The following MEN1 variants were observed in gnomAD, a reference collection of about 807,000 sequenced individuals.
The protein encoded by MEN1 is menin 1, also known as menin.
A neutral mutation model predicts 58.0 loss-of-function variants in MEN1; 6 were observed. The ratio of observed to expected loss-of-function variants is 0.10; its 90% CI spans 0.06 to 0.20. The LOEUF (loss-of-function observed/expected upper bound fraction) is 0.20, where lower values mean the gene tolerates loss of function less well. MEN1 is among the 10% of genes least tolerant of loss of function. The pLI, the probability that MEN1 is intolerant of heterozygous loss-of-function variation, is 1.00. For synonymous variants in MEN1, 346 were observed against 350.7 expected, an observed-to-expected ratio of 0.99 and a Z score of 0.15; for missense variants, 492 against 818.5, an observed-to-expected ratio of 0.60 and a Z score of 4.87.
In MEN1 at chr11:64,805,164, G is replaced by C; in HGVS notation, c.1220C>G (p.Pro407Arg). The C allele has an allele frequency of 1.2e-6, 2 of 1,614,002 alleles. No individual in the cohort carries two copies. Among genetic ancestry groups the C allele is most frequent in the Non-Finnish European group, 1.7e-6 (2 of 1,180,022 alleles). ...TCGCAGCAGGTGGGCGAAGCACTCAGGGTCCTGGAGGGCGGAACCTTGGCT... is the reference window on the plus strand; with the variant it reads ...TCGCAGCAGGTGGGCGAAGCACTCACGGTCCTGGAGGGCGGAACCTTGGCT... ...TQSQGSALQD[P>R]ECFAHLLRFY... The change falls in exon 9 of 10, where the codon CCT becomes CGT. Residue 407 changes from proline to arginine, a missense_variant. Transcript: ENST00000450708.
chr11:64,808,213 A>G, intron 2 of MEN1, 114 bp from the exon 3 acceptor site: 2 of 990,082 alleles, frequency 2.0e-6, no homozygotes, highest in Non-Finnish European at 3.0e-6. Flanking sequence ...CTGTGACCCA[A>G]CCTCAGATTC....
chr11:64,804,227 A>C lies in MEN1; in HGVS notation c.*107T>G. On this transcript the variant is annotated 3_prime_UTR_variant, in exon 10 of 10. Transcript: ENST00000450708. This position sits in a 1 kb window ranked among gnomAD's most constrained non-coding sequence, Gnocchi z 4.2. ...GGGACCGGGAACCTAGGGTTTGGGT[A>C]GAGGTGAGGCCTGTCCCCTTTGGGC... The C allele has an allele frequency of 6.9e-7, 1 of 1,445,326 alleles. No homozygotes were observed. Among genetic ancestry groups the C allele is most frequent in the Non-Finnish European group, 9.7e-7 (1 of 1,033,028 alleles). The allele number at this position is 1,445,326 out of a possible 1,614,324, so 89.5% of individuals were successfully genotyped here. A position where few individuals can be genotyped will look rare whatever the true frequency, so the allele number is the denominator to read the frequency against.
At position 64,806,993 on chromosome 11, in the gene MEN1, C is replaced by G; in HGVS notation, c.912+18G>C. On this transcript the variant is annotated intron_variant, in intron 6 of 9. Transcript: ENST00000450708. ...ACTGTTAGGGTCTCCCTTCTGCACC[C>G]TCCTTAGATGCCCCCACCTTGTGGT... The G allele has an allele frequency of 6.2e-7, 1 of 1,611,762 alleles. No homozygotes were observed. The highest frequency in any genetic ancestry group is 1.3e-5 in the African/African-American group (1 of 74,996).
chr11:64,809,854 T>C lies in MEN1; in HGVS notation c.256A>G (p.Ile86Val), dbSNP rs765390960. ...TYFPVADLSI[I>V]AALYARFTAQ... Reference sequence around the variant, plus strand: ...GTGAAGCGGGCATAGAGGGCGGCGATGATAGACAGGTCGGCCACGGGAAAG... The same window carrying C: ...GTGAAGCGGGCATAGAGGGCGGCGACGATAGACAGGTCGGCCACGGGAAAG... The change falls in exon 2 of 10, where the codon ATC (isoleucine) becomes GTC (valine). Residue 86 changes from isoleucine (I) to valine (V), a missense_variant. By Grantham distance (29) the Ile-to-Val change is conservative. Transcript: ENST00000450708. 1.2e-6 allele frequency: 2 copies of C among 1,607,220 alleles called. No homozygotes were observed. Among genetic ancestry groups the C allele is most frequent in the East Asian group, 2.2e-5 (1 of 44,672 alleles).
intron 6 of MEN1, 32 bp from the exon 7 acceptor site, chr11:64,806,400 G>C: frequency 6.2e-7 from 1 of 1,613,926 alleles, no homozygotes. Context: ...GATCCTCAGG[G>C]AGGCAGCCCC....
intron 1 of MEN1, 87 bp from the exon 2 acceptor site, chr11:64,810,219 A>G (rs1942040400): frequency 3.8e-6 from 3 of 794,742 alleles, no homozygotes; most frequent in East Asian, 5.4e-5. Context: ...ACCCGCCCCG[A>G]CACACGCACA....
chr11:64,807,789 G>T lies in MEN1; in HGVS notation c.654+102C>A. 1 of 1,605,044 alleles carries T rather than the reference G, an allele frequency of 6.2e-7. No homozygotes were observed. The highest frequency in any genetic ancestry group is 1.1e-5 in the South Asian group (1 of 90,660). On this transcript the variant is annotated intron_variant, in intron 3 of 9. Transcript: ENST00000450708. The surrounding 1 kb of genome is among the most constrained non-coding windows in gnomAD (Gnocchi z 4.9). ...TTCTGTCTTCCCTTCCTATGTGGGTGGTGATGGGAAGAAAGGGGTGTGGCC... is the reference window on the plus strand; with the variant it reads ...TTCTGTCTTCCCTTCCTATGTGGGTTGTGATGGGAAGAAAGGGGTGTGGCC...
intron 7 of MEN1, 103 bp downstream of exon 7, chr11:64,806,129 G>A: frequency 1.3e-6 from 2 of 1,490,540 alleles, no homozygotes; most frequent in South Asian, 2.3e-5. Context: ...GATGGAAAGG[G>A]GATGGGGCGT....
chr11:64,808,927 C>T (rs1400722741), intron 2 of MEN1, among the ~76,000 whole-genome samples: 2 of 149,194 alleles, frequency 1.3e-5, no homozygotes, highest in Admixed American at 1.4e-4. Flanking sequence ...TGCACTCCAG[C>T]CTGGGCGACA....
rs575515262 is a variant in MEN1 at position 64,806,913 on chromosome 11, C to G, written c.912+98G>C. 2.0e-4 allele frequency: 218 copies of G among 1,077,570 alleles called. 1 individual carries two copies. The South Asian group carries it at 2.7e-3, about 13-fold the overall frequency. 66.8% of individuals were successfully genotyped at this position (1,077,570 alleles called of 1,614,324 possible). The stretch of plus-strand genomic sequence containing the variant: ...AAGTGAGACTGGATGGGCGATACCC[C>G]CCAACACACAAAGTTCTCTTCTCAT... On this transcript the variant is annotated intron_variant, in intron 6 of 9. Coordinates refer to ENST00000450708, the MANE Select transcript of MEN1 (RefSeq NM_001370259.2).
chr11:64,807,310 A>G lies in MEN1; in HGVS notation c.784-91T>C. On this transcript the variant is annotated intron_variant, in intron 4 of 9. Coordinates refer to ENST00000450708, the MANE Select transcript of MEN1 (RefSeq NM_001370259.2). The surrounding 1 kb of genome is among the most constrained non-coding windows in gnomAD (Gnocchi z 4.9). ...GGCAGAGGTGGGGGTCAGAACCAAC[A>G]GGGACCACCCACCATGTGGAAGGGC... is the stretch of plus-strand genomic sequence containing the variant. 6.9e-7 allele frequency: 1 copy of G among 1,447,376 alleles called. No individual in the cohort carries two copies. The highest frequency in any genetic ancestry group is 9.5e-7 in the Non-Finnish European group (1 of 1,055,222). The allele number at this position is 1,447,376 out of a possible 1,614,324, so 89.7% of individuals were successfully genotyped here. A position where few individuals can be genotyped will look rare whatever the true frequency, so the allele number is the denominator to read the frequency against.
chr11:64,805,901 T>G, intron 7 of MEN1, 131 bp from the exon 8 acceptor site: 1 of 925,794 alleles, frequency 1.1e-6, no homozygotes, highest in Non-Finnish European at 1.8e-6. Flanking sequence ...AAAATGATGC[T>G]GTCTGGGTCA....
intron 2 of MEN1, 48 bp from the exon 3 acceptor site, chr11:64,808,147 G>A (rs1941879620): frequency 1.3e-6 from 2 of 1,521,738 alleles, no homozygotes; most frequent in Non-Finnish European, 1.8e-6. Flanking sequence ...GCTTTAACAT[G>A]GGGAAAGGGG....
Position 64,809,813 on chromosome 11 carries a change from GC to G in MEN1, c.296del (p.Gly99AlafsTer20). The G allele has an allele frequency of 6.2e-7, 1 of 1,613,848 alleles. No homozygotes were observed. The highest frequency in any genetic ancestry group is 8.5e-7 in the Non-Finnish European group (1 of 1,179,910). On this transcript the variant is annotated frameshift_variant, in exon 2 of 10. Transcript: ENST00000450708. LOFTEE classifies it high-confidence loss of function. Reference sequence around the variant, plus strand: ...GAGGATAGAGGGACAGGTCGACGGCGCCTCGGATCTGGGCGGTGAAGCGGGC... The same window carrying G: ...GAGGATAGAGGGACAGGTCGACGGCGCTCGGATCTGGGCGGTGAAGCGGGC... ...LYARFTAQIR[G>X]AVDLSLYPRE...
chr11:64,803,833 T>C lies in MEN1; in HGVS notation c.*501A>G, dbSNP rs1941441457. 1 of 246,080 alleles carries C rather than the reference T, an allele frequency of 4.1e-6. No homozygotes were observed. Among genetic ancestry groups the C allele is most frequent in the Non-Finnish European group, 8.0e-6 (1 of 124,242 alleles). 15.2% of individuals were successfully genotyped at this position (246,080 alleles called of 1,614,324 possible). ...AAATTCTGGAGCAGGACTGAAGTTA[T>C]TTGGGGCAGGGAGCTTGGATTCGCA... is the stretch of plus-strand genomic sequence containing the variant. On this transcript the variant is annotated 3_prime_UTR_variant, in exon 10 of 10. Transcript: ENST00000450708.
rs1941844518 is a variant in MEN1, at chr11:64,807,858, G to T, written c.654+33C>A. Reference sequence around the variant, plus strand: ...TGGGTGGCTTGGGCTACTACAGTATGAAGGGGACAAGGCTGGGGGGAGGGA... The same window carrying T: ...TGGGTGGCTTGGGCTACTACAGTATTAAGGGGACAAGGCTGGGGGGAGGGA... On this transcript the variant is annotated intron_variant, in intron 3 of 9. Coordinates refer to ENST00000450708, the MANE Select transcript of MEN1 (RefSeq NM_001370259.2). This position sits in a 1 kb window ranked among gnomAD's most constrained non-coding sequence, Gnocchi z 4.9. 6.2e-7 allele frequency: 1 copy of T among 1,612,834 alleles called. No homozygotes were observed. The highest frequency in any genetic ancestry group is 8.5e-7 in the Non-Finnish European group (1 of 1,179,140).
chr11:64,805,862 G>A (rs1434138073), intron 7 of MEN1, 92 bp from the exon 8 acceptor site: 1 of 1,329,186 alleles, frequency 7.5e-7, no homozygotes, highest in African/African-American at 1.4e-5. Flanking sequence ...GCCCCCAGGG[G>A]CTGGGGGAGT....
chr11:64,807,426 G>A lies in MEN1; in HGVS notation c.783+126C>T, dbSNP rs920690801. ...AGAGCCCTGGGAAAGGCCAGGCCAGGAATTACTAACCCATTTTTCCAGGAG... is the reference window on the plus strand; with the variant it reads ...AGAGCCCTGGGAAAGGCCAGGCCAGAAATTACTAACCCATTTTTCCAGGAG... On this transcript the variant is annotated intron_variant, in intron 4 of 9. Coordinates refer to ENST00000450708, the MANE Select transcript of MEN1 (RefSeq NM_001370259.2). This position sits in a 1 kb window ranked among gnomAD's most constrained non-coding sequence, Gnocchi z 4.9. 53 of 1,148,340 alleles carry A rather than the reference G, an allele frequency of 4.6e-5. No homozygotes were observed. The highest frequency in any genetic ancestry group is 5.5e-5 in the Non-Finnish European group (43 of 784,894). 71.1% of individuals were successfully genotyped at this position (1,148,340 alleles called of 1,614,324 possible).
rs755168633 is a variant in MEN1, at chr11:64,805,699, T to C, written c.1121A>G (p.Asn374Ser). ...CAAGCTGGCTGCCTCCTTCAGCAGG[T>C]TGGGGATGACATCATTGGCTACTTC... The part of the protein sequence containing the change: ...FFEVANDVIP[N>S]LLKEAASLLE... Residue 374 changes from asparagine to serine, a missense_variant, in exon 8 of 10, where the codon AAC (asparagine) becomes AGC (serine). Asn to Ser is a conservative substitution (Grantham distance 46, BLOSUM62 1). This residue lies in a region of MEN1 where 335 missense variants were observed against 550.3 expected (regional missense o/e 0.61). Transcript: ENST00000450708. 4 of 1,614,012 alleles carry C rather than the reference T, an allele frequency of 2.5e-6. No homozygotes were observed. The highest frequency in any genetic ancestry group is 1.1e-5 in the South Asian group (1 of 91,076).
Sources: allele counts gnomAD v4.1 joint callset (sites outside exome capture counted in the v4.1 genomes callset), GRCh38; gene constraint gnomAD v4.1.1; regional missense constraint gnomAD v4.1.1; non-coding constraint Gnocchi (gnomAD v3.1); transcripts MANE v1.5; gene names NCBI Gene and HGNC (gene_info 2026-07-23, HGNC 2026-07-21).